Variants in MKNK2 observed in about 807,000 individuals in gnomAD.
MKNK2 encodes MAPK interacting serine/threonine kinase 2, also known as MAP kinase-interacting serine/threonine-protein kinase 2.
In MKNK2, 54 loss-of-function variants were observed where a neutral mutation model predicts 55.0. The ratio of observed to expected loss-of-function variants is 0.98; its 90% CI spans 0.79 to 1.23. MKNK2 has a LOEUF of 1.23. Ranked by LOEUF, MKNK2 falls within the 50% of genes most tolerant of loss-of-function variation. MKNK2 has a pLI of 0.00. For synonymous variants in MKNK2, 323 were observed against 256.0 expected, an observed-to-expected ratio of 1.26 and a Z score of -2.50; for missense variants, 685 against 632.1, an observed-to-expected ratio of 1.08 and a Z score of -0.90.
At position 2,039,550 on chromosome 19, in the gene MKNK2, T is replaced by C; in HGVS notation, c.*63A>G. 1.3e-6 allele frequency: 2 copies of C among 1,540,396 alleles called. No individual in the cohort carries two copies. The highest frequency in any genetic ancestry group is 3.7e-5 in the Admixed American group (2 of 54,452). On this transcript the variant is annotated 3_prime_UTR_variant, in exon 14 of 14. Coordinates refer to ENST00000250896, the MANE Select transcript of MKNK2 (RefSeq NM_199054.3). ...CCGCTGGACACCGGCTGGCGATAGCTTAAAAAACCTTTAGATTTGATTGGG... is the reference window on the plus strand; with the variant it reads ...CCGCTGGACACCGGCTGGCGATAGCCTAAAAAACCTTTAGATTTGATTGGG...
In MKNK2 at chr19:2,041,939, G is replaced by A. The variant is rs1311641714; in HGVS notation, c.846C>T (p.Gly282=). ...YDKRCDLWSL[G]VILYILLSGY... The stretch of plus-strand genomic sequence containing the variant: ...CGCTGAGTAGGATATACAAGATGAC[G>A]CCCAGGCTCCACAGGTCGCAGCGCT... Residue 282 remains glycine, a synonymous_variant, in exon 11 of 14, where the codon GGC becomes GGT. Coordinates refer to ENST00000250896, the MANE Select transcript of MKNK2 (RefSeq NM_199054.3). 2.6e-6 allele frequency: 4 copies of A among 1,554,974 alleles called. No homozygotes were observed. Among genetic ancestry groups the A allele is most frequent in the Admixed American group, 1.9e-5 (1 of 51,434 alleles).
At position 2,039,031 on chromosome 19, in the gene MKNK2, G is replaced by A. The variant is rs2016815633; in HGVS notation, c.*582C>T. 1.0e-6 allele frequency: 1 copy of A among 986,338 alleles called. No homozygotes were observed. The highest frequency in any genetic ancestry group is 6.1e-5 in the Admixed American group (1 of 16,344). The allele number at this position is 986,338 out of a possible 1,614,324, so 61.1% of individuals were successfully genotyped here. On this transcript the variant is annotated 3_prime_UTR_variant, in exon 14 of 14. Transcript: ENST00000250896. The stretch of plus-strand genomic sequence containing the variant: ...GGCTGGGGGATCCCATGGGGTGGGT[G>A]GGTGAGCTGCCTGCCACCTGCCTGC...
chr19:2,040,917 G>T, intron 12 of MKNK2, 123 bp downstream of exon 12: 1 of 956,760 alleles, frequency 1.0e-6, no homozygotes, highest in Non-Finnish European at 1.6e-6. Flanking sequence ...CAGAGCCTGT[G>T]CTCTCAAGCC....
chr19:2,045,332 G>C (rs1222741611), intron 5 of MKNK2, among the ~76,000 whole-genome samples: 2 of 152,168 alleles, frequency 1.3e-5, no homozygotes, highest in Non-Finnish European at 2.9e-5. Flanking sequence ...CACCAGGAGA[G>C]GGCTGTGCTC....
At chr19:2,042,918 T>A in intron 7 of MKNK2, 48 bp from the exon 8 acceptor site, 1 of 1,523,734 alleles carries the variant, frequency 6.6e-7, no homozygotes, top group Non-Finnish European at 8.9e-7. Flanking sequence ...GCAGGTCACC[T>A]CAAAGTCCCC....
chr19:2,041,029 C>G lies in MKNK2; in HGVS notation c.1110+11G>C, dbSNP rs763273361. ...CATACCCCTCCTGCCGCCCGTGCGGCTGGTACTCACCCCCTGAACCCAGGG... is the reference window on the plus strand; with the variant it reads ...CATACCCCTCCTGCCGCCCGTGCGGGTGGTACTCACCCCCTGAACCCAGGG... On this transcript the variant is annotated intron_variant, in intron 12 of 13. Coordinates refer to ENST00000250896, the MANE Select transcript of MKNK2 (RefSeq NM_199054.3). 2 of 1,613,516 alleles carry G rather than the reference C, an allele frequency of 1.2e-6. No individual in the cohort carries two copies. Among genetic ancestry groups the G allele is most frequent in the Non-Finnish European group, 1.7e-6 (2 of 1,179,796 alleles).
intron 11 of MKNK2, 110 bp downstream of exon 11, chr19:2,041,730 C>T (rs2016887555): frequency 6.7e-6 from 6 of 901,062 alleles, no homozygotes; most frequent in Middle Eastern, 7.0e-4. Context: ...GGGGGCAGGT[C>T]CCCTGGACTT....
Position 2,039,478 on chromosome 19 carries a change from C to A in MKNK2, c.*135G>T, listed in dbSNP as rs139225148. ...GCAAAAACCTTCTATAAAACACCCC[C>A]CTCAGCTGAGCTTAGTGCCTGGGAA... On this transcript the variant is annotated 3_prime_UTR_variant, in exon 14 of 14. Transcript: ENST00000250896. 17 of 1,420,296 alleles carry A rather than the reference C, an allele frequency of 1.2e-5. No homozygotes were observed. The African/African-American group carries it at 2.3e-4, about 19-fold the overall frequency. The allele number at this position is 1,420,296 out of a possible 1,614,324, so 88.0% of individuals were successfully genotyped here. A position where few individuals can be genotyped will look rare whatever the true frequency, so the allele number is the denominator to read the frequency against.
At chr19:2,040,724 A>C (rs1350617488) in intron 12 of MKNK2, 4 of 408,396 alleles carry the variant, frequency 9.8e-6, no homozygotes, top group Admixed American at 4.1e-5. Flanking sequence ...ACGGCAGGCT[A>C]GGCTGGGGTC....
In MKNK2 at chr19:2,046,203, G is replaced by T. The variant is rs968221386; in HGVS notation, c.322C>A (p.Gln108Lys). Residue 108 changes from glutamine (Q) to lysine (K), a missense_variant, in exon 5 of 14, where the codon CAG (glutamine) becomes AAG (lysine). Physicochemically the swap from Gln to Lys is moderately conservative, Grantham distance 53. Coordinates refer to ENST00000250896, the MANE Select transcript of MKNK2 (RefSeq NM_199054.3). ...GGGCCCACCTTGACGGCGTACTCCT[G>T]GCTGGTGATCAGGTTGATGCAGGTC... ...VQTCINLITS[Q>K]EYAVKIIEKQ... 5 of 1,608,532 alleles carry T rather than the reference G, an allele frequency of 3.1e-6. No individual in the cohort carries two copies. Among genetic ancestry groups the T allele is most frequent in the African/African-American group, 2.7e-5 (2 of 74,938 alleles).
At position 2,042,664 on chromosome 19, in the gene MKNK2, TG is replaced by T; in HGVS notation, c.599-3del. The T allele has an allele frequency of 1.3e-6, 2 of 1,560,446 alleles. No individual in the cohort carries two copies. The highest frequency in any genetic ancestry group is 1.7e-6 in the Non-Finnish European group (2 of 1,151,576). On this transcript the variant is annotated splice_polypyrimidine_tract_variant and splice_region_variant and intron_variant, in intron 8 of 13. Transcript: ENST00000250896. ...GCTTTAGGTCCCTGTGGGCGATGCC[TG>T]GGGGAGAAGCCACAGAACCACGACG...
chr19:2,037,626 T>G lies in MKNK2; in HGVS notation c.*1987A>C. ...TTTTTCCCCCACTTTAAAAAAACTT[T>G]TGAGGTTTTTTTTTTTTTTTTGTCT... is the stretch of plus-strand genomic sequence containing the variant. On this transcript the variant is annotated 3_prime_UTR_variant, in exon 14 of 14. Transcript: ENST00000250896. 1 of 842,072 alleles carries G rather than the reference T, an allele frequency of 1.2e-6. No individual in the cohort carries two copies. The highest frequency in any genetic ancestry group is 1.6e-6 in the Non-Finnish European group (1 of 608,248). The allele number at this position is 842,072 out of a possible 1,614,324, so 52.2% of individuals were successfully genotyped here. A position where few individuals can be genotyped will look rare whatever the true frequency, so the allele number is the denominator to read the frequency against.
At chr19:2,045,498 C>T (rs2016977120) in intron 5 of MKNK2, among the ~76,000 whole-genome samples, 2 of 152,118 alleles carry the variant, frequency 1.3e-5, no homozygotes, top group South Asian at 4.1e-4. Flanking sequence ...AGCCAGTAAC[C>T]TCCCCAGGTT....
intron 3 of MKNK2, 60 bp downstream of exon 3, chr19:2,046,544 G>A: frequency 2.6e-6 from 4 of 1,556,658 alleles, no homozygotes; most frequent in Middle Eastern, 3.4e-4. Flanking sequence ...GCAGGGGCTG[G>A]CCACTGCCAT....
chr19:2,042,387 G>A (rs1417319220), intron 10 of MKNK2, 40 bp downstream of exon 10: 8 of 1,526,740 alleles, frequency 5.2e-6, no homozygotes, highest in Admixed American at 2.0e-5. Flanking sequence ...CAACCGCAGA[G>A]CAGGCGGCCG....
intron 12 of MKNK2, 111 bp downstream of exon 12, chr19:2,040,928 TC>T: frequency 9.6e-7 from 1 of 1,036,508 alleles, no homozygotes; most frequent in Non-Finnish European, 1.4e-6. Context: ...CTCTCAAGCC[TC>T]AGTGCATCTC....
intron 6 of MKNK2, 83 bp downstream of exon 6, chr19:2,043,420 T>A: frequency 7.4e-7 from 1 of 1,348,110 alleles, no homozygotes; most frequent in Non-Finnish European, 1.1e-6. Flanking sequence ...TACAGACGCT[T>A]GCTGGGGGTG....
intron 2 of MKNK2, among the ~76,000 whole-genome samples, chr19:2,047,418 G>A (rs2017023781): frequency 6.6e-6 from 1 of 152,178 alleles, no homozygotes; most frequent in African/African-American, 2.4e-5. Flanking sequence ...GTGCATTGCG[G>A]GGAGGGGACA....
chr19:2,042,964 G>A, intron 7 of MKNK2, 94 bp from the exon 8 acceptor site: 2 of 1,385,828 alleles, frequency 1.4e-6, no homozygotes, highest in Non-Finnish European at 2.0e-6. Context: ...TGGCGGGGAC[G>A]CCCCCACACT....
Sources: gnomAD v4.1 joint callset for allele counts (sites outside exome capture counted in the v4.1 genomes callset) on GRCh38, gnomAD v4.1.1 for gene constraint, MANE v1.5 for transcripts, NCBI Gene and HGNC (gene_info 2026-07-23, HGNC 2026-07-21) for gene names.